Variants in DNAJC12 observed in about 807,000 individuals in gnomAD.
DNAJC12 encodes the protein DnaJ heat shock protein family (Hsp40) member C12, also known as dnaJ homolog subfamily C member 12.
In DNAJC12, 25 loss-of-function variants were observed where a neutral mutation model predicts 28.5. The observed-to-expected ratio is 0.88, with a 90% confidence interval of 0.64 to 1.22. The LOEUF (loss-of-function observed/expected upper bound fraction) is 1.22, where lower values mean the gene tolerates loss of function less well. Among genes scored for constraint, DNAJC12 ranks in the 50% most tolerant of loss-of-function variants. The pLI, the probability that DNAJC12 is intolerant of heterozygous loss-of-function variation, is 0.00. For missense variants in DNAJC12, 222 were observed against 231.7 expected, an observed-to-expected ratio of 0.96 and a Z score of 0.27; for synonymous variants, 77 against 80.6, an observed-to-expected ratio of 0.95 and a Z score of 0.24.
intron 4 of DNAJC12, among the ~76,000 whole-genome samples, chr10:67,801,609 G>T (rs1589601815): frequency 1.3e-5 from 2 of 151,694 alleles, no homozygotes; most frequent in African/African-American, 4.8e-5. Context: ...GGGCAACATG[G>T]TGAAACCCCA....
rs377308990 is a variant in DNAJC12 at position 67,798,758 on chromosome 10, C to CTTTTT, written c.503-1553_503-1549dup. On this transcript the variant is annotated intron_variant, in intron 4 of 4. Transcript: ENST00000225171. The stretch of plus-strand genomic sequence containing the variant: ...GATTGTTACAATAGATGTGATTTTC[C>CTTTTT]TTTTTTTTTTTTTTTTCCTTTTCTG... 8.5e-4 allele frequency among the ~76,000 whole-genome samples: 112 copies of CTTTTT among 132,014 alleles called. 5 individuals are homozygous for CTTTTT. In the East Asian group the frequency reaches 0.014, roughly 17 times the overall value. The allele number at this position is 132,014 out of a possible 152,430, so 86.6% of individuals were successfully genotyped here.
intron 2 of DNAJC12, among the ~76,000 whole-genome samples, chr10:67,821,892 C>T (rs917207836): frequency 1.3e-5 from 2 of 152,146 alleles, no homozygotes; most frequent in East Asian, 1.9e-4. Flanking sequence ...TTCCATGACA[C>T]CAACTGAATG....
chr10:67,813,834 T>G (rs909340500), intron 2 of DNAJC12, among the ~76,000 whole-genome samples: 2 of 151,570 alleles, frequency 1.3e-5, no homozygotes, highest in East Asian at 3.9e-4. Flanking sequence ...TACACAATAT[T>G]GTCAAAAGAA....
At chr10:67,836,413 G>C (rs1289716657) in intron 1 of DNAJC12, among the ~76,000 whole-genome samples, 2 of 150,448 alleles carry the variant, frequency 1.3e-5, no homozygotes, top group African/African-American at 2.4e-5. Context: ...AGATTATGGA[G>C]ATATAATGAC....
At chr10:67,824,309 C>T (rs1356719317) in intron 1 of DNAJC12, among the ~76,000 whole-genome samples, 2 of 151,622 alleles carry the variant, frequency 1.3e-5, no homozygotes. Context: ...TATAAAATAT[C>T]CAAATTCTTC....
In DNAJC12 at chr10:67,797,805, C is replaced by T. The variant is rs572865299; in HGVS notation, c.503-595G>A. 2.3e-3 allele frequency among the ~76,000 whole-genome samples: 355 copies of T among 152,204 alleles called. 3 individuals carry two copies. Among genetic ancestry groups the T allele is most frequent in the African/African-American group, 8.1e-3 (338 of 41,526 alleles). On this transcript the variant is annotated intron_variant, in intron 4 of 4. Coordinates refer to ENST00000225171, the MANE Select transcript of DNAJC12 (RefSeq NM_021800.3). The stretch of plus-strand genomic sequence containing the variant: ...CCTGTAATCCCAGCACTTTGGGAGG[C>T]CAAGGCGGGCGGATCACGAGGTCAG...
At chr10:67,830,453 A>T (rs1842081668) in intron 1 of DNAJC12, among the ~76,000 whole-genome samples, 1 of 151,432 alleles carries the variant, frequency 6.6e-6, no homozygotes, top group South Asian at 2.1e-4. Flanking sequence ...CTAAAAATAT[A>T]AAAAATTAGC....
At chr10:67,813,063 C>T (rs1023309482) in intron 2 of DNAJC12, among the ~76,000 whole-genome samples, 13 of 151,454 alleles carry the variant, frequency 8.6e-5, no homozygotes, top group African/African-American at 3.2e-4. Flanking sequence ...TTCTTAACTC[C>T]CAAAATGATA....
chr10:67,832,133 C>T (rs142993584), intron 1 of DNAJC12, among the ~76,000 whole-genome samples: 56 of 152,014 alleles, frequency 3.7e-4, no homozygotes, highest in Middle Eastern at 3.4e-3. Flanking sequence ...GGTGTGGTGG[C>T]GCATGCCTGT....
chr10:67,823,484 C>T (rs957682555), intron 1 of DNAJC12, 92 bp from the exon 2 acceptor site: 7 of 1,019,122 alleles, frequency 6.9e-6, no homozygotes, highest in African/African-American at 3.2e-5. Context: ...CTGAGGCAAG[C>T]GGATCACCAG....
At chr10:67,816,018 G>A in intron 2 of DNAJC12, 2 of 398,342 alleles carry the variant, frequency 5.0e-6, no homozygotes, top group Non-Finnish European at 4.4e-6. Flanking sequence ...AATCAAATGA[G>A]CCACACAAGG....
intron 3 of DNAJC12, 55 bp downstream of exon 3, chr10:67,811,469 A>C (rs1272584588): frequency 3.1e-6 from 5 of 1,610,818 alleles, no homozygotes; most frequent in Non-Finnish European, 3.4e-6. Context: ...CATGAGTCTA[A>C]TCCATGGGCA....
At chr10:67,797,850 C>A (rs969267321) in intron 4 of DNAJC12, among the ~76,000 whole-genome samples, 2 of 151,948 alleles carry the variant, frequency 1.3e-5, no homozygotes, top group Admixed American at 6.6e-5. Context: ...ACCATCCTGG[C>A]TAACACGGTG....
chr10:67,837,201 G>A (rs1331428185), intron 1 of DNAJC12, among the ~76,000 whole-genome samples: 2 of 151,788 alleles, frequency 1.3e-5, no homozygotes, highest in African/African-American at 4.8e-5. Flanking sequence ...TCCCAAACAG[G>A]TCTTTAAAGA....
chr10:67,822,126 C>T (rs751111569), intron 2 of DNAJC12, among the ~76,000 whole-genome samples: 6 of 152,106 alleles, frequency 3.9e-5, no homozygotes, highest in African/African-American at 1.4e-4. Context: ...ATTTAAGCTA[C>T]AGACCTGGAC....
chr10:67,809,726 G>A (rs1240490689), intron 3 of DNAJC12, among the ~76,000 whole-genome samples: 4 of 152,124 alleles, frequency 2.6e-5, no homozygotes, highest in Non-Finnish European at 5.9e-5. Context: ...TCTAAGTGAA[G>A]TAACTTAGGA....
chr10:67,803,442 C>T (rs747208790), intron 4 of DNAJC12, among the ~76,000 whole-genome samples: 34 of 152,218 alleles, frequency 2.2e-4, no homozygotes, highest in Admixed American at 1.3e-4. Context: ...CTTCAAGAAA[C>T]AGAAGCAGAG....
intron 3 of DNAJC12, among the ~76,000 whole-genome samples, chr10:67,809,082 T>C (rs752341040): frequency 4.6e-5 from 7 of 152,202 alleles, no homozygotes; most frequent in Non-Finnish European, 1.0e-4. Context: ...AAATGATCAA[T>C]TCACCAAAAA....
chr10:67,815,618 G>C (rs1213041643), intron 2 of DNAJC12, among the ~76,000 whole-genome samples: 1 of 151,912 alleles, frequency 6.6e-6, no homozygotes, highest in Non-Finnish European at 1.5e-5. Flanking sequence ...GGTCCAGCGA[G>C]AGCAAATCTT....
Sources: gnomAD v4.1 joint callset for allele counts (sites outside exome capture counted in the v4.1 genomes callset) on GRCh38, gnomAD v4.1.1 for gene constraint, MANE v1.5 for transcripts, NCBI Gene and HGNC (gene_info 2026-07-23, HGNC 2026-07-21) for gene names.